Variants in PCLAF observed in about 807,000 individuals in gnomAD.
PCLAF encodes the protein PCNA-associated factor.
Under a neutral mutation model 15.1 loss-of-function variants are expected in PCLAF, and 12 were observed. The observed-to-expected ratio is 0.79, with a 90% CI of 0.51 to 1.29. The LOEUF is 1.29. Ranked by LOEUF, PCLAF falls within the 50% of genes most tolerant of loss-of-function variation. The probability of loss-of-function intolerance (pLI) is 0.00; values close to 1 mark genes in which losing one functional copy is unlikely to be tolerated. For synonymous variants in PCLAF, 33 were observed against 47.1 expected (o/e 0.70, Z 1.22); for missense variants, 116 against 130.9 (o/e 0.89, Z 0.56).
chr15:64,366,224 A>C, intron 3 of PCLAF, 149 bp from the exon 4 acceptor site: 1 of 493,046 alleles, frequency 2.0e-6, no homozygotes, highest in Non-Finnish European at 3.4e-6. Flanking sequence ...AAACTTCATT[A>C]ATTAACAAAC....
At chr15:64,381,142 A>T in intron 1 of PCLAF, 104 bp from the exon 2 acceptor site, 1 of 1,267,706 alleles carries the variant, frequency 7.9e-7, no homozygotes, top group Non-Finnish European at 1.1e-6. Context: ...GATCCAGAAC[A>T]GCAGGATAAC....
Position 64,365,949 on chromosome 15 carries a change from A to G in PCLAF, c.*81T>C. 8.2e-7 allele frequency: 1 copy of G among 1,215,920 alleles called. No individual in the cohort carries two copies. The highest frequency in any genetic ancestry group is 1.2e-6 in the Non-Finnish European group (1 of 830,106). 75.3% of individuals were successfully genotyped at this position (1,215,920 alleles called of 1,614,324 possible). On this transcript the variant is annotated 3_prime_UTR_variant, in exon 4 of 4. Transcript: ENST00000300035. The stretch of plus-strand genomic sequence containing the variant: ...ATGCCTGTTCAACAAAGCTAATTGG[A>G]ACAAACACATTTATGTAAATTTACA...
upstream of PCLAF, chr15:64,381,529 G>A (rs914716740): frequency 3.9e-6 from 6 of 1,520,922 alleles, no homozygotes; most frequent in Non-Finnish European, 5.3e-6. Context: ...CATTGGTTCC[G>A]CGCCGTTCCC....
chr15:64,367,261 C>A (rs989102878), intron 3 of PCLAF, among the ~76,000 whole-genome samples: 2 of 151,916 alleles, frequency 1.3e-5, no homozygotes, highest in African/African-American at 4.8e-5. Context: ...CTCAGCACTT[C>A]GGGAGGCCGA....
At chr15:64,379,663 TCC>T (rs1228641778) in intron 2 of PCLAF, among the ~76,000 whole-genome samples, 1 of 152,144 alleles carries the variant, frequency 6.6e-6, no homozygotes, top group Non-Finnish European at 1.5e-5. Flanking sequence ...ACCCATGAAG[TCC>T]TAAACAGTGT....
At chr15:64,369,381 A>C (rs968653815) in intron 3 of PCLAF, among the ~76,000 whole-genome samples, 42 of 151,554 alleles carry the variant, frequency 2.8e-4, no homozygotes, top group Non-Finnish European at 5.9e-4. Context: ...AAAAAAAAAA[A>C]AAAAAAATCC....
chr15:64,377,487 AAATATATATATAT>A (rs1344566817), intron 2 of PCLAF, among the ~76,000 whole-genome samples: 1 of 39,702 alleles, frequency 2.5e-5, no homozygotes, highest in African/African-American at 9.4e-5. Flanking sequence ...AAAAAAAAAA[AAATATATATATAT>A]ATATATATAT....
At position 64,381,419 on chromosome 15, in the gene PCLAF, C is replaced by T. The variant is rs372516219; in HGVS notation, c.-48G>A. ...GGAGAGAACGAACTGACTTCCCAGC[C>T]GAGGGTGTTTCACTGGACAAGGACC... On this transcript the variant is annotated 5_prime_UTR_variant, in exon 1 of 4. Coordinates refer to ENST00000300035, the MANE Select transcript of PCLAF (RefSeq NM_014736.6). 5 of 1,613,808 alleles carry T rather than the reference C, an allele frequency of 3.1e-6. No individual in the cohort carries two copies. The highest frequency in any genetic ancestry group is 2.7e-5 in the African/African-American group (2 of 74,912).
chr15:64,370,205 T>A (rs1034367175), intron 3 of PCLAF, among the ~76,000 whole-genome samples: 3 of 149,718 alleles, frequency 2.0e-5, no homozygotes, highest in Admixed American at 6.7e-5. Context: ...ACCTCCAGAG[T>A]AGTCAGGACT....
upstream of PCLAF, chr15:64,381,549 A>G: frequency 2.0e-6 from 3 of 1,474,766 alleles, no homozygotes; most frequent in Non-Finnish European, 1.8e-6. Context: ...CCCTGAACCA[A>G]TTGCCAATGC....
At chr15:64,374,488 G>A (rs1279762228) in intron 3 of PCLAF, among the ~76,000 whole-genome samples, 4 of 151,162 alleles carry the variant, frequency 2.6e-5, no homozygotes, top group African/African-American at 7.3e-5. Flanking sequence ...GCAGTGAGCC[G>A]AGATTGCACC....
At chr15:64,382,225 AC>A (rs1899841169), upstream of PCLAF, among the ~76,000 whole-genome samples, 3 of 152,022 alleles carry the variant, frequency 2.0e-5, no homozygotes, top group South Asian at 6.2e-4. Context: ...ACCCGTCTCT[AC>A]AAAAAATATA....
intron 3 of PCLAF, among the ~76,000 whole-genome samples, chr15:64,372,428 C>T (rs758243558): frequency 1.3e-5 from 2 of 151,728 alleles, no homozygotes; most frequent in South Asian, 4.2e-4. Flanking sequence ...TCCTGGCTAA[C>T]ATGGTGAAAC....
upstream of PCLAF, among the ~76,000 whole-genome samples, chr15:64,385,484 G>A (rs948033810): frequency 2.6e-5 from 4 of 152,058 alleles, no homozygotes; most frequent in South Asian, 2.1e-4. Context: ...AATTAGCCGC[G>A]CATGGTGGCA....
At chr15:64,380,342 C>T (rs1173780421) in intron 2 of PCLAF, among the ~76,000 whole-genome samples, 3 of 151,852 alleles carry the variant, frequency 2.0e-5, no homozygotes, top group East Asian at 1.9e-4. Flanking sequence ...AAGATCACAC[C>T]GTTGCACTGC....
intron 2 of PCLAF, among the ~76,000 whole-genome samples, chr15:64,379,275 G>A (rs1398468392): frequency 6.6e-6 from 1 of 151,882 alleles, no homozygotes; most frequent in African/African-American, 2.4e-5. Flanking sequence ...CCAGGAGTTC[G>A]AGACCAGCCT....
intron 3 of PCLAF, among the ~76,000 whole-genome samples, chr15:64,367,503 C>CA (rs1899090226): frequency 5.5e-5 from 1 of 18,278 alleles, no homozygotes; most frequent in Non-Finnish European, 6.8e-4. Context: ...AACTCTGTCT[C>CA]AAAAAAACCC....
rs552814689 is a variant in PCLAF at position 64,373,770 on chromosome 15, G to A, written c.290+2973C>T. ...GGAGGATGGGTGGCTCCTGGCTGGT[G>A]CAGGGGAGATAGCAAGTAGGGTCTT... is the stretch of plus-strand genomic sequence containing the variant. On this transcript the variant is annotated intron_variant, in intron 3 of 3. Transcript: ENST00000300035. 46 of 1,535,646 alleles carry A rather than the reference G, an allele frequency of 3.0e-5. No individual in the cohort carries two copies. The South Asian group carries it at 4.2e-4, about 14-fold the overall frequency.
intron 3 of PCLAF, among the ~76,000 whole-genome samples, chr15:64,368,136 G>A (rs150184019): frequency 1.3e-5 from 2 of 152,038 alleles, no homozygotes; most frequent in African/African-American, 4.8e-5. Flanking sequence ...GAGGTCAGGA[G>A]TTCGAGACCA....
Sources: allele counts gnomAD v4.1 joint callset (sites outside exome capture counted in the v4.1 genomes callset), GRCh38; gene constraint gnomAD v4.1.1; transcripts MANE v1.5; gene names NCBI Gene and HGNC (gene_info 2026-07-23, HGNC 2026-07-21).